The following FBXO4 variants were observed in gnomAD, a reference collection of about 807,000 sequenced individuals.
FBXO4 encodes the protein F-box only protein 4.
In FBXO4, 36 loss-of-function variants were observed where a neutral mutation model predicts 43.7. The ratio of observed to expected loss-of-function variants is 0.82; its 90% CI spans 0.63 to 1.09. FBXO4 has a LOEUF of 1.09. Among genes scored for constraint, FBXO4 ranks in the 50% least tolerant of loss-of-function variants. FBXO4 has a pLI of 0.00. For missense variants in FBXO4, 435 were observed against 474.1 expected, an observed-to-expected ratio of 0.92 and a Z score of 0.77; for synonymous variants, 180 against 165.6, an observed-to-expected ratio of 1.09 and a Z score of -0.67.
At chr5:42,001,036 A>G in the FBXO4 span, among the ~76,000 whole-genome samples, 1 of 152,200 alleles carries the variant, frequency 6.6e-6, no homozygotes, top group African/African-American at 2.4e-5. Flanking sequence ...TATTCCTATT[A>G]AAAATTGTTT....
At chr5:41,939,388 T>C in intron 5 of FBXO4, 53 bp from the exon 6 acceptor site, 1 of 1,458,386 alleles carries the variant, frequency 6.9e-7, no homozygotes, top group Admixed American at 2.2e-5. Flanking sequence ...TTTTATTATT[T>C]TCAAAACTAT....
At position 41,934,121 on chromosome 5, in the gene FBXO4, T is replaced by C. The variant is rs201857049; in HGVS notation, c.723-12T>C. 705 of 1,612,034 alleles carry C rather than the reference T, an allele frequency of 4.4e-4. 1 individual carries two copies. Among genetic ancestry groups the C allele is most frequent in the Middle Eastern group, 2.8e-3 (17 of 6,054 alleles). On this transcript the variant is annotated splice_polypyrimidine_tract_variant and intron_variant, in intron 4 of 6. Coordinates refer to ENST00000281623, the MANE Select transcript of FBXO4 (RefSeq NM_012176.3). ...GTCTTTTTATATTCTGTCTTTACAA[T>C]TTTTTTTCTAGAAAGGAAAGAGATA...
chr5:41,999,897 A>G, the FBXO4 span, among the ~76,000 whole-genome samples: 4 of 151,998 alleles, frequency 2.6e-5, no homozygotes, highest in South Asian at 8.3e-4. Context: ...AGACATACCC[A>G]GGATCAATAC....
At chr5:41,969,872 G>GA in the FBXO4 span, among the ~76,000 whole-genome samples, 3 of 152,068 alleles carry the variant, frequency 2.0e-5, no homozygotes, top group African/African-American at 4.8e-5. Flanking sequence ...TGTGTGTTGT[G>GA]AAAAAAAGGT....
chr5:41,966,449 A>C, the FBXO4 span, among the ~76,000 whole-genome samples: 1 of 152,204 alleles, frequency 6.6e-6, no homozygotes, highest in Admixed American at 6.5e-5. Flanking sequence ...TATAAAATAA[A>C]CCTTTAAATC....
chr5:42,035,933 G>C, the FBXO4 span, among the ~76,000 whole-genome samples: 1 of 151,988 alleles, frequency 6.6e-6, no homozygotes, highest in African/African-American at 2.4e-5. Flanking sequence ...AGTTTAAACT[G>C]ACCCTGCCTT....
At chr5:41,964,264 G>C in the FBXO4 span, among the ~76,000 whole-genome samples, 1 of 151,756 alleles carries the variant, frequency 6.6e-6, no homozygotes, top group African/African-American at 2.4e-5. Context: ...ATAATATATG[G>C]TTTGCCATTT....
At chr5:41,947,089 C>T in the FBXO4 span, among the ~76,000 whole-genome samples, 1 of 152,084 alleles carries the variant, frequency 6.6e-6, no homozygotes, top group South Asian at 2.1e-4. Flanking sequence ...TATATTCCAA[C>T]AGAACACAAA....
chr5:41,925,408 C>T lies in FBXO4; in HGVS notation c.99C>T (p.Thr33=), dbSNP rs953416559. The T allele has an allele frequency of 5.1e-6, 7 of 1,384,668 alleles. No individual in the cohort carries two copies. The highest frequency in any genetic ancestry group is 4.7e-6 in the Non-Finnish European group (5 of 1,063,956). The allele number at this position is 1,384,668 out of a possible 1,614,324, so 85.8% of individuals were successfully genotyped here. The part of the protein sequence containing the change: ...LEAAILSGWK[T]FWQSVSKERV... ...CGGCCATCCTCAGCGGCTGGAAGAC[C>T]TTCTGGCAGTCAGTGAGCAAGGAGA... The change falls in exon 1 of 7, where the codon ACC becomes ACT. Residue 33 remains threonine (T), a synonymous_variant. Coordinates refer to ENST00000281623, the MANE Select transcript of FBXO4 (RefSeq NM_012176.3).
At chr5:42,019,222 T>C in the FBXO4 span, among the ~76,000 whole-genome samples, 4 of 152,126 alleles carry the variant, frequency 2.6e-5, no homozygotes, top group Non-Finnish European at 5.9e-5. Flanking sequence ...AAATGTGCTG[T>C]AAATATAAAA....
the FBXO4 span, among the ~76,000 whole-genome samples, chr5:41,987,525 T>G: frequency 1.3e-5 from 2 of 152,138 alleles, no homozygotes; most frequent in Non-Finnish European, 2.9e-5. Context: ...ATAAGCTCCT[T>G]GTGAGGAATA....
chr5:41,929,966 A>G (rs754351324), intron 3 of FBXO4, 49 bp downstream of exon 3: 9 of 1,347,650 alleles, frequency 6.7e-6, no homozygotes, highest in Admixed American at 4.4e-5. Context: ...TGAGCTTGAC[A>G]TTCTTGTTAA....
chr5:41,983,889 T>A, the FBXO4 span, among the ~76,000 whole-genome samples: 3 of 152,050 alleles, frequency 2.0e-5, no homozygotes, highest in African/African-American at 7.2e-5. Flanking sequence ...ATTGTCAGAC[T>A]CAATACTTAA....
chr5:41,997,292 C>G, the FBXO4 span, among the ~76,000 whole-genome samples: 7 of 152,248 alleles, frequency 4.6e-5, no homozygotes, highest in Admixed American at 3.3e-4. Flanking sequence ...CATCTCTTTT[C>G]TGCACAGGCC....
At chr5:41,951,259 T>C in the FBXO4 span, 61 of 157,714 alleles carry the variant, frequency 3.9e-4, no homozygotes, top group Non-Finnish European at 6.2e-4. Flanking sequence ...TGATTTTTTT[T>C]CATCAACCTT....
rs781268626 is a variant in FBXO4 at position 41,939,450 on chromosome 5, G to A, written c.908G>A (p.Trp303Ter). The A allele has an allele frequency of 6.8e-6, 11 of 1,608,714 alleles. No homozygotes were observed. In the South Asian group the frequency reaches 1.2e-4, roughly 18 times the overall value. Reference sequence around the variant, plus strand: ...GACTTACATTCCTTAGGACATGAATGGCAAGATGAATTTTCTCATATTATG... The same window carrying A: ...GACTTACATTCCTTAGGACATGAATAGCAAGATGAATTTTCTCATATTATG... ...ANAEAHKRHE[W>*]QDEFSHIMAM... The change falls in exon 6 of 7, where the codon TGG becomes TAG. Residue 303 changes from tryptophan to a stop codon, truncating the protein, a stop_gained. Transcript: ENST00000281623. LOFTEE classifies it high-confidence loss of function.
the FBXO4 span, among the ~76,000 whole-genome samples, chr5:42,017,927 T>C: frequency 1.3e-5 from 2 of 151,988 alleles, no homozygotes; most frequent in Non-Finnish European, 2.9e-5. Context: ...GTCTTTTTGG[T>C]AGATGATTTG....
At position 41,925,300 on chromosome 5, in the gene FBXO4, C is replaced by T. The variant is rs1234820737; in HGVS notation, c.-10C>T. 4 of 1,327,738 alleles carry T rather than the reference C, an allele frequency of 3.0e-6. No individual in the cohort carries two copies. The highest frequency in any genetic ancestry group is 3.9e-6 in the Non-Finnish European group (4 of 1,033,200). 82.2% of individuals were successfully genotyped at this position (1,327,738 alleles called of 1,614,324 possible). ...GCTCTAAGACGCGTCACCCACGCTG[C>T]GGGCAAGCCATGGCGGGAAGCGAGC... On this transcript the variant is annotated 5_prime_UTR_variant, in exon 1 of 7. Transcript: ENST00000281623.
chr5:42,035,322 C>G, the FBXO4 span, among the ~76,000 whole-genome samples: 1 of 152,074 alleles, frequency 6.6e-6, no homozygotes, highest in Non-Finnish European at 1.5e-5. Flanking sequence ...ATTTCTTTCT[C>G]TAGCCTGATT....
Sources: allele counts gnomAD v4.1 joint callset (sites outside exome capture counted in the v4.1 genomes callset), GRCh38; gene constraint gnomAD v4.1.1; transcripts MANE v1.5; gene names NCBI Gene and HGNC (gene_info 2026-07-23, HGNC 2026-07-21).